The following SYT16 variants were observed in gnomAD, a reference collection of about 807,000 sequenced individuals.
The protein encoded by SYT16 is synaptotagmin 16, also known as synaptotagmin-16.
A neutral mutation model predicts 61.4 loss-of-function variants in SYT16; 42 were observed. The ratio of observed to expected loss-of-function variants is 0.68; its 90% CI spans 0.53 to 0.89. SYT16 has a LOEUF of 0.89. SYT16 is among the 40% of genes least tolerant of loss of function. The pLI, the probability that SYT16 is intolerant of heterozygous loss-of-function variation, is 0.00. For missense variants in SYT16, 804 were observed against 807.3 expected (o/e 1.00, Z 0.05); for synonymous variants, 314 against 302.3 (o/e 1.04, Z -0.40).
At chr14:62,044,959 G>A (rs919929788) in intron 3 of SYT16, among the ~76,000 whole-genome samples, 2 of 152,078 alleles carry the variant, frequency 1.3e-5, no homozygotes, top group African/African-American at 4.8e-5. Flanking sequence ...CCAACGTGGT[G>A]AAACCCCATC....
chr14:62,072,384 G>T (rs1429145293), intron 4 of SYT16, among the ~76,000 whole-genome samples: 1 of 150,278 alleles, frequency 6.7e-6, no homozygotes, highest in Non-Finnish European at 1.5e-5. Context: ...CACATGCAGG[G>T]GTGTGTGTGT....
chr14:62,037,192 C>CT (rs5809138), intron 3 of SYT16, among the ~76,000 whole-genome samples: 36 of 150,906 alleles, frequency 2.4e-4, no homozygotes, highest in East Asian at 2.0e-3. Flanking sequence ...GAAGCATGAG[C>CT]TTTTTTTTTT....
At chr14:62,048,401 A>G (rs964754393) in intron 3 of SYT16, among the ~76,000 whole-genome samples, 1 of 151,724 alleles carries the variant, frequency 6.6e-6, no homozygotes, top group Non-Finnish European at 1.5e-5. Flanking sequence ...CTGTCTATCA[A>G]TTTTGTTGAT....
Position 61,843,595 on chromosome 14 carries a change from AG to A in SYT16, c.-325+30788del. Among the ~76,000 whole-genome samples, 2 of 152,354 alleles carry A rather than the reference AG, an allele frequency of 1.3e-5. 1 individual carries two copies. The highest frequency in any genetic ancestry group is 6.8e-3 in the Middle Eastern group (2 of 294). On this transcript the variant is annotated intron_variant, in intron 1 of 7. Transcript: ENST00000683842. The stretch of plus-strand genomic sequence containing the variant: ...TAGATTTTTGTAAAAGGCAAGAGAT[AG>A]GGATCTAGTTTCATTCTTCTGCATA...
chr14:62,072,958 G>A (rs1323975797), intron 4 of SYT16, among the ~76,000 whole-genome samples: 1 of 152,130 alleles, frequency 6.6e-6, no homozygotes, highest in Admixed American at 6.5e-5. Flanking sequence ...ACGTTTCTCT[G>A]ACAACAGGCA....
intron 1 of SYT16, among the ~76,000 whole-genome samples, chr14:61,858,120 C>CAAAAAAAAAAAAAAAAAAAAAAGAAAA (rs2046833810): frequency 2.3e-5 from 1 of 43,230 alleles, no homozygotes; most frequent in African/African-American, 5.8e-5. Context: ...CACAGCTTGG[C>CAAAAAAAAAAAAAAAAAAAAAAGAAAA]AAAAAAAAAA....
chr14:62,026,424 G>A (rs1230530555), intron 3 of SYT16, among the ~76,000 whole-genome samples: 3 of 152,172 alleles, frequency 2.0e-5, no homozygotes, highest in African/African-American at 7.2e-5. Context: ...CCTTCTTGCT[G>A]CATCCTCACA....
chr14:62,065,790 G>T (rs898937911), intron 3 of SYT16, among the ~76,000 whole-genome samples: 1 of 152,098 alleles, frequency 6.6e-6, no homozygotes, highest in African/African-American at 2.4e-5. Flanking sequence ...GTTGTCCCTG[G>T]ATCTCTCCTA....
intron 2 of SYT16, among the ~76,000 whole-genome samples, chr14:61,993,251 C>A (rs554243722): frequency 1.5e-5 from 2 of 136,872 alleles, no homozygotes; most frequent in Non-Finnish European, 3.1e-5. Flanking sequence ...CATCACACAC[C>A]GGGGCCTGTG....
At chr14:61,827,378 T>C (rs1002936171) in intron 1 of SYT16, among the ~76,000 whole-genome samples, 1 of 152,234 alleles carries the variant, frequency 6.6e-6, no homozygotes, top group African/African-American at 2.4e-5. Context: ...TGAGACTTAG[T>C]TTCTGGCTAT....
chr14:61,848,644 G>C (rs2046516438), intron 1 of SYT16, among the ~76,000 whole-genome samples: 1 of 152,254 alleles, frequency 6.6e-6, no homozygotes, highest in South Asian at 2.1e-4. Context: ...AGCTAAACTT[G>C]TGTCCTTCTC....
At chr14:62,092,494 A>AT (rs1189803702) in intron 7 of SYT16, among the ~76,000 whole-genome samples, 2 of 152,088 alleles carry the variant, frequency 1.3e-5, no homozygotes, top group Non-Finnish European at 2.9e-5. Context: ...CCATTGAGGG[A>AT]TTAATGTATG....
At position 62,109,828 on chromosome 14, in the gene SYT16, TC is replaced by T. The variant is rs1409727227; in HGVS notation, c.*9123del. 1 of 152,178 alleles carries T rather than the reference TC, an allele frequency of 6.6e-6. No individual in the cohort carries two copies. Among genetic ancestry groups the T allele is most frequent in the Non-Finnish European group, 1.5e-5 (1 of 68,014 alleles). The allele number at this position is 152,178 out of a possible 1,614,324, so 9.4% of individuals were successfully genotyped here. On this transcript the variant is annotated 3_prime_UTR_variant, in exon 8 of 8. Transcript: ENST00000683842. ...GTTTATATGACTTTACATTTACCAC[TC>T]CTGCCAAGAGAAAGGAAGCTTTGTG...
chr14:61,828,006 A>C (rs2140228988), intron 1 of SYT16, among the ~76,000 whole-genome samples: 1 of 152,360 alleles, frequency 6.6e-6, no homozygotes, highest in African/African-American at 2.4e-5. Context: ...AATGAAGTTA[A>C]AATGAGGTCA....
At chr14:61,908,839 C>G (rs9323376) in intron 1 of SYT16, among the ~76,000 whole-genome samples, 26,191 of 152,094 alleles carry the variant, frequency 0.17, 2,715 homozygotes, top group East Asian at 0.33. Flanking sequence ...CCTTTCTTCT[C>G]TTTGACAGAA....
At chr14:61,890,905 C>T (rs752537935) in intron 1 of SYT16, among the ~76,000 whole-genome samples, 2 of 152,082 alleles carry the variant, frequency 1.3e-5, no homozygotes, top group Non-Finnish European at 2.9e-5. Flanking sequence ...AGATGTCATA[C>T]ATATTATTTA....
intron 1 of SYT16, among the ~76,000 whole-genome samples, chr14:61,958,135 T>G (rs980273788): frequency 6.6e-6 from 1 of 151,800 alleles, no homozygotes; most frequent in Non-Finnish European, 1.5e-5. Context: ...AGTTGTAATA[T>G]CTTCCCTTTC....
At chr14:61,920,594 C>T (rs2049294200) in intron 1 of SYT16, among the ~76,000 whole-genome samples, 1 of 152,186 alleles carries the variant, frequency 6.6e-6, no homozygotes, top group South Asian at 2.1e-4. Flanking sequence ...GAAACATTTA[C>T]TGGGGTGTCC....
intron 1 of SYT16, among the ~76,000 whole-genome samples, chr14:61,902,408 C>A (rs112019692): frequency 6.6e-6 from 1 of 152,198 alleles, no homozygotes; most frequent in Non-Finnish European, 1.5e-5. Flanking sequence ...GCCTTCCTCA[C>A]CCATTACAGG....
Sources: allele counts gnomAD v4.1 joint callset (sites outside exome capture counted in the v4.1 genomes callset), GRCh38; gene constraint gnomAD v4.1.1; transcripts MANE v1.5; gene names NCBI Gene and HGNC (gene_info 2026-07-23, HGNC 2026-07-21).